SGCZ: variants seen among roughly 807,000 people sequenced by gnomAD.
SGCZ encodes sarcoglycan zeta, also known as zeta-sarcoglycan.
In SGCZ, 40 loss-of-function variants were observed where a neutral mutation model predicts 41.3. That is an observed-to-expected ratio of 0.97 (90% CI 0.75 to 1.26). The LOEUF (loss-of-function observed/expected upper bound fraction) is 1.26. SGCZ is among the 50% of genes most tolerant of loss of function. The pLI, the probability that SGCZ is intolerant of heterozygous loss-of-function variation, is 0.00. For missense variants in SGCZ, 552 were observed against 369.8 expected (o/e 1.49, Z -4.04); for synonymous variants, 206 against 137.5 (o/e 1.50, Z -3.49).
intron 1 of SGCZ, among the ~76,000 whole-genome samples, chr8:14,817,795 C>A (rs945887308): frequency 6.6e-6 from 1 of 152,152 alleles, no homozygotes; most frequent in Non-Finnish European, 1.5e-5. Context: ...TACAACCTGG[C>A]AAACCAGCAC....
At chr8:14,349,219 T>C (rs1232029678) in intron 2 of SGCZ, among the ~76,000 whole-genome samples, 1 of 152,110 alleles carries the variant, frequency 6.6e-6, no homozygotes, top group Non-Finnish European at 1.5e-5. Context: ...ATTACCAAAA[T>C]CGGTTGCCTG....
At chr8:14,243,397 A>G (rs1238682918) in intron 3 of SGCZ, among the ~76,000 whole-genome samples, 1 of 152,196 alleles carries the variant, frequency 6.6e-6, no homozygotes, top group Non-Finnish European at 1.5e-5. Flanking sequence ...CTTCTCTAAC[A>G]GATTTAAAAC....
At chr8:14,752,989 T>C (rs1390570278) in intron 1 of SGCZ, among the ~76,000 whole-genome samples, 2 of 152,170 alleles carry the variant, frequency 1.3e-5, no homozygotes, top group African/African-American at 2.4e-5. Context: ...CTCTCAGCAA[T>C]TGGTCTGTTT....
At chr8:14,257,998 G>C (rs923548392) in intron 3 of SGCZ, among the ~76,000 whole-genome samples, 1 of 152,042 alleles carries the variant, frequency 6.6e-6, no homozygotes, top group Non-Finnish European at 1.5e-5. Flanking sequence ...ATGAAATGTC[G>C]GGGGAATTTG....
intron 1 of SGCZ, among the ~76,000 whole-genome samples, chr8:15,022,563 C>T (rs28473524): frequency 0.1 from 15,764 of 152,052 alleles, 944 homozygotes; most frequent in African/African-American, 0.16. Context: ...AGGATGGTCT[C>T]GATCTCTTGA....
At chr8:14,504,154 T>A (rs1461955670) in intron 2 of SGCZ, among the ~76,000 whole-genome samples, 1 of 152,228 alleles carries the variant, frequency 6.6e-6, no homozygotes, top group Middle Eastern at 3.2e-3. Context: ...ATGTTATGTG[T>A]TGATACAACT....
intron 1 of SGCZ, among the ~76,000 whole-genome samples, chr8:15,228,949 T>G (rs143529481): frequency 0.049 from 7,522 of 152,268 alleles, 263 homozygotes; most frequent in Middle Eastern, 0.082. Context: ...ATCCCAGCAC[T>G]TTGGGAGGCC....
Position 14,342,733 on chromosome 8 carries a change from T to C in SGCZ, c.235-18529A>G, listed in dbSNP as rs527431075. Among the ~76,000 whole-genome samples, 308 of 152,232 alleles carry C rather than the reference T, an allele frequency of 2.0e-3. 1 individual carries two copies. The highest frequency in any genetic ancestry group is 6.9e-3 in the African/African-American group (286 of 41,550). ...GCTTGGAAATTATGCAGGCTGATTATGTGATAGAAAAGAAAAACCCATTTT... is the reference window on the plus strand; with the variant it reads ...GCTTGGAAATTATGCAGGCTGATTACGTGATAGAAAAGAAAAACCCATTTT... On this transcript the variant is annotated intron_variant, in intron 2 of 7. Transcript: ENST00000382080.
At chr8:15,172,169 T>A (rs367737965) in intron 1 of SGCZ, among the ~76,000 whole-genome samples, 8 of 69,826 alleles carry the variant, frequency 1.1e-4, no homozygotes, top group South Asian at 4.6e-4. Context: ...TTTTTTTTTT[T>A]TTTTTTTTTT....
At chr8:14,882,616 T>G (rs988158723) in intron 1 of SGCZ, among the ~76,000 whole-genome samples, 2 of 152,172 alleles carry the variant, frequency 1.3e-5, no homozygotes, top group Non-Finnish European at 2.9e-5. Flanking sequence ...ATCACTCAGA[T>G]AGCAATTCTG....
rs1159227209 is a variant in SGCZ at position 14,678,032 on chromosome 8, C to CA, written c.40-123107dup. On this transcript the variant is annotated intron_variant, in intron 1 of 7. Transcript: ENST00000382080. ...TTAGACACAGACTTTGAATCCTTCA[C>CA]AAAAATTAATACAAAATGGATCACA... Among the ~76,000 whole-genome samples, 10 of 152,150 alleles carry CA rather than the reference C, an allele frequency of 6.6e-5. No homozygotes were observed. The South Asian group carries it at 1.0e-3, about 16-fold the overall frequency.
At chr8:14,347,165 C>T (rs1297917214) in intron 2 of SGCZ, among the ~76,000 whole-genome samples, 1 of 152,020 alleles carries the variant, frequency 6.6e-6, no homozygotes, top group Non-Finnish European at 1.5e-5. Flanking sequence ...AGAAAAACTA[C>T]TCATTTTTCT....
intron 2 of SGCZ, among the ~76,000 whole-genome samples, chr8:14,373,439 T>C (rs1309484461): frequency 6.6e-6 from 1 of 152,142 alleles, no homozygotes; most frequent in Non-Finnish European, 1.5e-5. Flanking sequence ...AATGGCATTT[T>C]AAGGAATGAA....
At chr8:14,385,991 T>A (rs111988386) in intron 2 of SGCZ, among the ~76,000 whole-genome samples, 1 of 152,246 alleles carries the variant, frequency 6.6e-6, no homozygotes. Flanking sequence ...GTAAATACTA[T>A]GTAAATCGCT....
At chr8:14,710,221 T>A (rs979225937) in intron 1 of SGCZ, among the ~76,000 whole-genome samples, 1 of 151,018 alleles carries the variant, frequency 6.6e-6, no homozygotes, top group Non-Finnish European at 1.5e-5. Context: ...AAAAAAAAAA[T>A]TAGCAGGGCG....
At chr8:15,163,799 A>T (rs73665391) in intron 1 of SGCZ, among the ~76,000 whole-genome samples, 23,527 of 152,270 alleles carry the variant, frequency 0.15, 2,015 homozygotes, top group Non-Finnish European at 0.2. Context: ...TTAGATAAAT[A>T]GTATACTAAG....
chr8:14,108,143 G>A lies in SGCZ; in HGVS notation c.620+20C>T. ...AACAATGATGGATTTTATGCCACAG[G>A]TATAAGAGGAAGCCCTTACCTGAGA... is the stretch of plus-strand genomic sequence containing the variant. On this transcript the variant is annotated intron_variant, in intron 6 of 7. Coordinates refer to ENST00000382080, the MANE Select transcript of SGCZ (RefSeq NM_139167.4). 1.9e-6 allele frequency: 3 copies of A among 1,611,622 alleles called. No individual in the cohort carries two copies. The South Asian group carries it at 3.3e-5, about 18-fold the overall frequency.
At chr8:14,418,993 C>G (rs1454912279) in intron 2 of SGCZ, among the ~76,000 whole-genome samples, 1 of 151,896 alleles carries the variant, frequency 6.6e-6, no homozygotes, top group Non-Finnish European at 1.5e-5. Context: ...CTTTTGAATT[C>G]CCTTCATGAC....
intron 2 of SGCZ, among the ~76,000 whole-genome samples, chr8:14,365,271 T>C (rs1050376009): frequency 3.3e-5 from 5 of 152,116 alleles, no homozygotes; most frequent in Non-Finnish European, 7.4e-5. Context: ...TCTTAGTTCC[T>C]TCTGTTCCAC....
Sources: gnomAD v4.1 joint callset for allele counts (sites outside exome capture counted in the v4.1 genomes callset) on GRCh38, gnomAD v4.1.1 for gene constraint, MANE v1.5 for transcripts, NCBI Gene and HGNC (gene_info 2026-07-23, HGNC 2026-07-21) for gene names.